Variants in NBAS observed in about 807,000 individuals in gnomAD.
NBAS encodes the protein NBAS subunit of NRZ tethering complex.
A neutral mutation model predicts 302.5 loss-of-function variants in NBAS; 219 were observed. The ratio of observed to expected loss-of-function variants is 0.72; its 90% CI spans 0.65 to 0.81. The LOEUF (loss-of-function observed/expected upper bound fraction) is 0.81, where lower values mean the gene tolerates loss of function less well. Ranked by LOEUF, NBAS falls within the 30% of genes least tolerant of loss-of-function variation. NBAS has a pLI of 0.00. For missense variants in NBAS, 2,932 were observed against 2,841.6 expected, an observed-to-expected ratio of 1.03 and a Z score of -0.72; for synonymous variants, 1,118 against 1,021.6, an observed-to-expected ratio of 1.09 and a Z score of -1.80.
chr2:15,089,780 G>A, the NBAS span, among the ~76,000 whole-genome samples: 50 of 119,994 alleles, frequency 4.2e-4, 2 homozygotes, highest in South Asian at 9.4e-3. Flanking sequence ...ACAGAGTCTC[G>A]CTCTGTCACC....
In NBAS at chr2:15,492,600, G is replaced by C. The variant is rs142920088; in HGVS notation, c.955-3578C>G. ...GCCTCCTGAGTAGCCAGGACTACAG[G>C]CATGCACCACCATGCCTGGCTAACT... is the stretch of plus-strand genomic sequence containing the variant. On this transcript the variant is annotated intron_variant, in intron 11 of 51. Coordinates refer to ENST00000281513, the MANE Select transcript of NBAS (RefSeq NM_015909.4). 8.2e-3 allele frequency among the ~76,000 whole-genome samples: 1,244 copies of C among 152,078 alleles called. 19 individuals are homozygous for C. Among genetic ancestry groups the C allele is most frequent in the African/African-American group, 0.028 (1,180 of 41,482 alleles).
At chr2:15,082,106 TAAG>T in the NBAS span, among the ~76,000 whole-genome samples, 51 of 152,328 alleles carry the variant, frequency 3.3e-4, no homozygotes, top group African/African-American at 1.2e-3. Flanking sequence ...TAGCTATTAA[TAAG>T]ATAAGGATGG....
chr2:15,144,120 A>G, the NBAS span, among the ~76,000 whole-genome samples: 113 of 145,294 alleles, frequency 7.8e-4, no homozygotes, highest in African/African-American at 2.8e-3. Flanking sequence ...ACCTTGTCAC[A>G]TTGTTGTGAC....
chr2:15,472,789 C>A (rs1680016088), intron 16 of NBAS, among the ~76,000 whole-genome samples: 1 of 152,196 alleles, frequency 6.6e-6, no homozygotes, highest in African/African-American at 2.4e-5. Context: ...ATGGATATGT[C>A]CCTTCAGCCC....
At chr2:15,012,836 T>G in the NBAS span, among the ~76,000 whole-genome samples, 1 of 152,022 alleles carries the variant, frequency 6.6e-6, no homozygotes, top group Non-Finnish European at 1.5e-5. Flanking sequence ...CAGTAAAATA[T>G]TTCACAGACA....
the NBAS span, among the ~76,000 whole-genome samples, chr2:14,999,540 C>T: frequency 6.6e-6 from 1 of 152,078 alleles, no homozygotes; most frequent in Non-Finnish European, 1.5e-5. Context: ...TGTTTAAAAG[C>T]ATGTAGCGTT....
At chr2:14,904,170 G>A in the NBAS span, among the ~76,000 whole-genome samples, 2 of 152,208 alleles carry the variant, frequency 1.3e-5, no homozygotes, top group Non-Finnish European at 2.9e-5. Flanking sequence ...AGAACTAATA[G>A]GATAAATGTA....
chr2:15,403,845 GATTT>G (rs1312486643), intron 25 of NBAS, among the ~76,000 whole-genome samples: 9 of 146,940 alleles, frequency 6.1e-5, no homozygotes, highest in Non-Finnish European at 1.0e-4. Context: ...ACCTTTTCCT[GATTT>G]ATTTTTCCTT....
the NBAS span, among the ~76,000 whole-genome samples, chr2:15,133,022 A>G: frequency 1.1e-4 from 17 of 152,260 alleles, no homozygotes; most frequent in Middle Eastern, 3.2e-3. Flanking sequence ...TATCAAAAAT[A>G]TTCAACCATC....
the NBAS span, among the ~76,000 whole-genome samples, chr2:15,027,114 T>A: frequency 0.77 from 116,935 of 151,822 alleles, 45,301 homozygotes; most frequent in East Asian, 1. Flanking sequence ...AGGATCATTG[T>A]CTAAATTCCC....
chr2:14,887,901 A>G, the NBAS span, among the ~76,000 whole-genome samples: 1 of 152,308 alleles, frequency 6.6e-6, no homozygotes, highest in Admixed American at 6.5e-5. Flanking sequence ...AACCATTTCT[A>G]TCTCAGAACA....
At chr2:15,399,993 C>T (rs1211103905) in intron 26 of NBAS, among the ~76,000 whole-genome samples, 1 of 152,070 alleles carries the variant, frequency 6.6e-6, no homozygotes, top group Non-Finnish European at 1.5e-5. Context: ...TAATATGTGA[C>T]AGTCTTTTAA....
the NBAS span, among the ~76,000 whole-genome samples, chr2:14,815,716 A>G: frequency 6.6e-6 from 1 of 152,126 alleles, no homozygotes; most frequent in Admixed American, 6.5e-5. Context: ...TATTCAATCC[A>G]GTGTTCTACA....
At chr2:15,531,523 C>T (rs945295301) in intron 9 of NBAS, among the ~76,000 whole-genome samples, 2 of 152,092 alleles carry the variant, frequency 1.3e-5, no homozygotes, top group African/African-American at 2.4e-5. Flanking sequence ...CATTTCAAAA[C>T]GTGGCAAATT....
intron 11 of NBAS, among the ~76,000 whole-genome samples, chr2:15,503,875 T>G (rs2148635755): frequency 6.6e-6 from 1 of 152,312 alleles, no homozygotes; most frequent in South Asian, 2.1e-4. Flanking sequence ...TCTAGGAGAA[T>G]TCCTTGAGCT....
chr2:15,394,487 C>G (rs1017465580), intron 27 of NBAS, 138 bp from the exon 28 acceptor site: 1 of 823,322 alleles, frequency 1.2e-6, no homozygotes, highest in African/African-American at 1.7e-5. Context: ...TTACATATAA[C>G]GTTGATTCTC....
At chr2:15,382,016 T>C (rs1470693272) in intron 29 of NBAS, among the ~76,000 whole-genome samples, 2 of 152,210 alleles carry the variant, frequency 1.3e-5, no homozygotes, top group African/African-American at 4.8e-5. Context: ...GTCTGGCTTA[T>C]TTAACAAGAA....
At chr2:14,970,700 C>T in the NBAS span, among the ~76,000 whole-genome samples, 4 of 152,146 alleles carry the variant, frequency 2.6e-5, no homozygotes, top group South Asian at 4.2e-4. Context: ...GGAAGGTACC[C>T]TGGGACCAGG....
chr2:14,823,116 G>A, the NBAS span, among the ~76,000 whole-genome samples: 103 of 152,210 alleles, frequency 6.8e-4, no homozygotes, highest in African/African-American at 2.3e-3. Context: ...TCTTATTCCC[G>A]TCAGGACCCT....
Sources: gnomAD v4.1 joint callset for allele counts (sites outside exome capture counted in the v4.1 genomes callset) on GRCh38, gnomAD v4.1.1 for gene constraint, MANE v1.5 for transcripts, NCBI Gene and HGNC (gene_info 2026-07-23, HGNC 2026-07-21) for gene names.